LHFPL3: variants seen among roughly 807,000 people sequenced by gnomAD.
LHFPL3 encodes LHFPL tetraspan subfamily member 3 protein.
LHFPL3 carries 5 observed loss-of-function variants against 19.3 expected under a neutral mutation model. That is an observed-to-expected ratio of 0.26 (90% CI 0.14 to 0.54). The LOEUF (loss-of-function observed/expected upper bound fraction) is 0.54, where lower values mean the gene tolerates loss of function less well. Among genes scored for constraint, LHFPL3 ranks in the 20% least tolerant of loss-of-function variants. The probability of loss-of-function intolerance (pLI) is 0.94; values close to 1 mark genes in which losing one functional copy is unlikely to be tolerated. For missense variants in LHFPL3, 249 were observed against 307.4 expected (o/e 0.81, Z 1.42); for synonymous variants, 133 against 126.2 (o/e 1.05, Z -0.36).
intron 2 of LHFPL3, among the ~76,000 whole-genome samples, chr7:104,829,395 A>G (rs1416059639): frequency 2.0e-5 from 3 of 151,658 alleles, no homozygotes; most frequent in Non-Finnish European, 4.4e-5. Context: ...TTACTTACAT[A>G]TGTATACATG....
chr7:104,788,541 C>T (rs1789965866), intron 2 of LHFPL3, among the ~76,000 whole-genome samples: 1 of 152,180 alleles, frequency 6.6e-6, no homozygotes, highest in African/African-American at 2.4e-5. Context: ...TTAAATTATA[C>T]ATGTGAGAAG....
At chr7:104,529,612 C>T (rs892575509) in intron 1 of LHFPL3, among the ~76,000 whole-genome samples, 23 of 152,196 alleles carry the variant, frequency 1.5e-4, no homozygotes, top group Admixed American at 1.5e-3. Flanking sequence ...TGGTTCCCAT[C>T]TCCCATGTTA....
At chr7:104,501,865 T>A (rs146702550) in intron 1 of LHFPL3, among the ~76,000 whole-genome samples, 60 of 152,364 alleles carry the variant, frequency 3.9e-4, no homozygotes, top group African/African-American at 1.3e-3. Context: ...GTAGCATAGC[T>A]GATTTGGTGA....
At chr7:104,485,450 T>C (rs1793219644) in intron 1 of LHFPL3, among the ~76,000 whole-genome samples, 1 of 152,160 alleles carries the variant, frequency 6.6e-6, no homozygotes. Context: ...GATTTTTACA[T>C]TGGCATCCAT....
intron 1 of LHFPL3, among the ~76,000 whole-genome samples, chr7:104,346,518 C>G (rs1478686468): frequency 6.6e-6 from 1 of 152,050 alleles, no homozygotes; most frequent in Non-Finnish European, 1.5e-5. Flanking sequence ...GACACAGATG[C>G]ATGCAAAGTA....
At chr7:104,721,452 T>C (rs1793491059) in intron 1 of LHFPL3, among the ~76,000 whole-genome samples, 3 of 152,030 alleles carry the variant, frequency 2.0e-5, no homozygotes, top group Non-Finnish European at 4.4e-5. Context: ...GATGAGTTGA[T>C]GGGTGCACCA....
rs558926742 is a variant in LHFPL3 at position 104,710,597 on chromosome 7, C to T, written c.446-26078C>T. On this transcript the variant is annotated intron_variant, in intron 1 of 2. Coordinates refer to ENST00000424859, the MANE Select transcript of LHFPL3 (RefSeq NM_199000.3). Reference sequence around the variant, plus strand: ...ACCCGAGGCATCAATCCTGACACCTCAGTTACCACCCGTGACATTTGGCAA... The same window carrying T: ...ACCCGAGGCATCAATCCTGACACCTTAGTTACCACCCGTGACATTTGGCAA... Among the ~76,000 whole-genome samples, 4 of 152,300 alleles carry T rather than the reference C, an allele frequency of 2.6e-5. No individual in the cohort carries two copies. The South Asian group carries it at 8.3e-4, about 32-fold the overall frequency.
In LHFPL3 at chr7:104,907,872, A is replaced by T. The variant is rs17706864; in HGVS notation, c.*1657A>T. On this transcript the variant is annotated 3_prime_UTR_variant, in exon 3 of 3. Transcript: ENST00000424859. ...CATTATGTTTCAAATGGCTAAAAGC[A>T]TATTATGGGTATGCTCAAAGGAGTA... Among the ~76,000 whole-genome samples the T allele has an allele frequency of 0.32, 48,952 of 152,068 alleles. 8,785 individuals are homozygous for T. The highest frequency in any genetic ancestry group is 0.46 in the Middle Eastern group (136 of 294).
intron 1 of LHFPL3, among the ~76,000 whole-genome samples, chr7:104,627,091 C>T (rs1452601397): frequency 6.6e-6 from 1 of 152,102 alleles, no homozygotes; most frequent in Non-Finnish European, 1.5e-5. Flanking sequence ...TTCCTCCTAT[C>T]TAACCGAAAT....
At chr7:104,782,468 GCAACAACCTTCTTCTCTT>G (rs746958305) in intron 2 of LHFPL3, among the ~76,000 whole-genome samples, 5 of 152,122 alleles carry the variant, frequency 3.3e-5, no homozygotes, top group East Asian at 3.9e-4. Context: ...TTTATCCTCT[GCAACAACCTTCTTCTCTT>G]CAACAACCTT....
intron 2 of LHFPL3, chr7:104,845,259 A>T: frequency 1.5e-6 from 1 of 687,990 alleles, no homozygotes; most frequent in South Asian, 1.6e-5. Flanking sequence ...ATCACCAAGT[A>T]TGTCTCTGCA....
intron 1 of LHFPL3, among the ~76,000 whole-genome samples, chr7:104,663,060 G>T (rs190217441): frequency 6.6e-6 from 1 of 152,238 alleles, no homozygotes; most frequent in African/African-American, 2.4e-5. Flanking sequence ...TTATTTGTAT[G>T]CCTATTCTGT....
chr7:104,570,319 G>A (rs908258860), intron 1 of LHFPL3, among the ~76,000 whole-genome samples: 7 of 152,170 alleles, frequency 4.6e-5, no homozygotes, highest in African/African-American at 1.7e-4. Flanking sequence ...TGTGGCTCAT[G>A]TGTCAGCTTT....
At chr7:104,792,099 G>T (rs117613373) in intron 2 of LHFPL3, among the ~76,000 whole-genome samples, 2 of 152,276 alleles carry the variant, frequency 1.3e-5, no homozygotes, top group African/African-American at 2.4e-5. Flanking sequence ...AAGGTACAGA[G>T]ATTTCCTAGC....
chr7:104,353,468 C>T (rs1181580763), intron 1 of LHFPL3, among the ~76,000 whole-genome samples: 1 of 152,046 alleles, frequency 6.6e-6, no homozygotes, highest in Admixed American at 6.6e-5. Flanking sequence ...GGACTGTGTT[C>T]CTGAAAGACA....
chr7:104,554,162 G>T (rs1320924441), intron 1 of LHFPL3, among the ~76,000 whole-genome samples: 2 of 152,036 alleles, frequency 1.3e-5, no homozygotes, highest in Non-Finnish European at 2.9e-5. Flanking sequence ...ATTTTTGGTG[G>T]CAGGGCTGGT....
intron 1 of LHFPL3, among the ~76,000 whole-genome samples, chr7:104,571,520 C>G (rs1037601328): frequency 6.6e-6 from 1 of 152,166 alleles, no homozygotes; most frequent in Non-Finnish European, 1.5e-5. Context: ...AAGTTCCTGG[C>G]AAGTGACTTA....
intron 2 of LHFPL3, among the ~76,000 whole-genome samples, chr7:104,883,937 G>A (rs1281972203): frequency 6.6e-6 from 1 of 152,102 alleles, no homozygotes; most frequent in African/African-American, 2.4e-5. Context: ...CTTTGAGCCC[G>A]CATAACCTGA....
chr7:104,646,603 A>G (rs911372494), intron 1 of LHFPL3, among the ~76,000 whole-genome samples: 2 of 152,254 alleles, frequency 1.3e-5, no homozygotes, highest in Admixed American at 1.3e-4. Context: ...AAGTTTACTT[A>G]TAATGCATAT....
Sources: gnomAD v4.1 joint callset for allele counts (sites outside exome capture counted in the v4.1 genomes callset) on GRCh38, gnomAD v4.1.1 for gene constraint, MANE v1.5 for transcripts, NCBI Gene and HGNC (gene_info 2026-07-23, HGNC 2026-07-21) for gene names.